GPR89B: variants seen among roughly 807,000 people sequenced by gnomAD.
The protein encoded by GPR89B is G protein-coupled receptor 89B.
In GPR89B, 25 loss-of-function variants were observed where a neutral mutation model predicts 52.4. That is an observed-to-expected ratio of 0.48 (90% CI 0.35 to 0.67). GPR89B has a LOEUF of 0.67. Ranked by LOEUF, GPR89B falls within the 30% of genes least tolerant of loss-of-function variation. The pLI, the probability that GPR89B is intolerant of heterozygous loss-of-function variation, is 0.01. For missense variants in GPR89B, 146 were observed against 450.2 expected, an observed-to-expected ratio of 0.32 and a Z score of 6.11; for synonymous variants, 52 against 151.2, an observed-to-expected ratio of 0.34 and a Z score of 4.81.
intron 10 of GPR89B, among the ~76,000 whole-genome samples, chr1:147,981,363 A>G (rs1211689759): frequency 2.0e-5 from 3 of 150,330 alleles, no homozygotes; most frequent in Non-Finnish European, 2.9e-5. Context: ...TTAATAGGGC[A>G]TGGAAGTACA....
intron 7 of GPR89B, among the ~76,000 whole-genome samples, chr1:147,961,217 A>G (rs1656527295): frequency 6.6e-6 from 1 of 152,116 alleles, no homozygotes; most frequent in African/African-American, 2.4e-5. Context: ...TTTTTTAAAA[A>G]AAGATTGAAG....
chr1:147,929,558 T>G (rs1653356370), intron 1 of GPR89B, among the ~76,000 whole-genome samples: 2 of 152,148 alleles, frequency 1.3e-5, no homozygotes, highest in Non-Finnish European at 2.9e-5. Context: ...GTGTGTGTGT[T>G]TGTTTTTGCT....
At chr1:147,981,927 T>C (rs1372349047) in intron 10 of GPR89B, among the ~76,000 whole-genome samples, 1 of 151,650 alleles carries the variant, frequency 6.6e-6, no homozygotes, top group Admixed American at 6.6e-5. Flanking sequence ...GCTGGGATTA[T>C]ATCCGTGAGC....
At chr1:147,975,514 C>G (rs1657770611) in intron 10 of GPR89B, among the ~76,000 whole-genome samples, 1 of 151,586 alleles carries the variant, frequency 6.6e-6, no homozygotes, top group Admixed American at 6.6e-5. Context: ...TGGTGATGTC[C>G]CCTTTATCAT....
chr1:148,012,865 G>T, the GPR89B span, among the ~76,000 whole-genome samples: 2 of 151,932 alleles, frequency 1.3e-5, no homozygotes, highest in Non-Finnish European at 2.9e-5. Context: ...AGAGCCTCTG[G>T]CCTACATCTG....
chr1:147,997,757 A>G (rs1429036117), downstream of GPR89B, among the ~76,000 whole-genome samples: 6 of 152,208 alleles, frequency 3.9e-5, no homozygotes, highest in Non-Finnish European at 8.8e-5. Flanking sequence ...CAAAGATTCA[A>G]AGCTACTAGA....
At chr1:147,951,693 A>G (rs1281717543) in intron 5 of GPR89B, among the ~76,000 whole-genome samples, 2 of 152,064 alleles carry the variant, frequency 1.3e-5, no homozygotes, top group African/African-American at 4.8e-5. Context: ...GGTGACTTCT[A>G]GTTCCAAGAT....
intron 2 of GPR89B, among the ~76,000 whole-genome samples, chr1:147,937,621 G>T (rs1419328886): frequency 6.6e-6 from 1 of 152,130 alleles, no homozygotes; most frequent in African/African-American, 2.4e-5. Flanking sequence ...GCTGGAAAAA[G>T]AATTCAGCAG....
chr1:148,009,633 G>T, the GPR89B span: 1 of 1,016,992 alleles, frequency 9.8e-7, no homozygotes, highest in Non-Finnish European at 1.4e-6. Flanking sequence ...ATAACCCTCT[G>T]CCAACTGCCA....
At chr1:147,933,791 A>C (rs1276458061) in intron 1 of GPR89B, among the ~76,000 whole-genome samples, 1 of 152,050 alleles carries the variant, frequency 6.6e-6, no homozygotes, top group Non-Finnish European at 1.5e-5. Context: ...TTCCCATAAC[A>C]CATTTCTATA....
chr1:147,946,748 A>G (rs1335324024), intron 5 of GPR89B, among the ~76,000 whole-genome samples: 2 of 152,106 alleles, frequency 1.3e-5, no homozygotes, highest in Admixed American at 6.5e-5. Flanking sequence ...CATTGTATCT[A>G]TTGTCCTTTC....
At chr1:147,949,467 C>G (rs1553250438) in intron 5 of GPR89B, among the ~76,000 whole-genome samples, 2 of 93,740 alleles carry the variant, frequency 2.1e-5, no homozygotes, top group Non-Finnish European at 4.2e-5. Flanking sequence ...CACCTCCCTC[C>G]CGGACGGGGC....
chr1:148,016,295 T>G, the GPR89B span, among the ~76,000 whole-genome samples: 4 of 65,610 alleles, frequency 6.1e-5, no homozygotes, highest in Non-Finnish European at 1.2e-4. Context: ...CTTCCAGTTT[T>G]GGGAATTTAT....
chr1:148,017,607 G>A, the GPR89B span, among the ~76,000 whole-genome samples: 1 of 149,620 alleles, frequency 6.7e-6, no homozygotes, highest in Middle Eastern at 3.4e-3. Flanking sequence ...GCGTGGTGGC[G>A]GGCACCTGTA....
intron 1 of GPR89B, among the ~76,000 whole-genome samples, chr1:147,936,171 C>T (rs1289950249): frequency 6.6e-6 from 1 of 152,066 alleles, no homozygotes; most frequent in Non-Finnish European, 1.5e-5. Context: ...GTGCCCACAC[C>T]CAGCTAATTT....
chr1:147,952,138 A>G (rs1553251168), intron 5 of GPR89B, among the ~76,000 whole-genome samples: 1 of 152,118 alleles, frequency 6.6e-6, no homozygotes, highest in African/African-American at 2.4e-5. Flanking sequence ...ATGGAGAGAG[A>G]TGGCTGACCA....
chr1:147,972,155 T>A (rs1293969681), intron 10 of GPR89B, among the ~76,000 whole-genome samples: 1 of 148,728 alleles, frequency 6.7e-6, no homozygotes, highest in Admixed American at 6.7e-5. Flanking sequence ...GTATCAGTAG[T>A]TTATTCTTTT....
At chr1:147,962,500 C>G (rs1656660951) in intron 7 of GPR89B, among the ~76,000 whole-genome samples, 3 of 150,700 alleles carry the variant, frequency 2.0e-5, no homozygotes, top group Admixed American at 6.6e-5. Context: ...GATGCAAAAG[C>G]AGTTCAGTGG....
At position 147,933,435 on chromosome 1, in the gene GPR89B, G is replaced by A. The variant is rs587621901; in HGVS notation, c.43-3192G>A. On this transcript the variant is annotated intron_variant, in intron 1 of 13. Transcript: ENST00000314163. ...ATTCCCAGGTGATCTCATGTACTTTGGTGGTTTCAACTCATAGGTATATCT... is the reference window on the plus strand; with the variant it reads ...ATTCCCAGGTGATCTCATGTACTTTAGTGGTTTCAACTCATAGGTATATCT... 2.6e-5 allele frequency among the ~76,000 whole-genome samples: 4 copies of A among 151,562 alleles called. No individual in the cohort carries two copies. The East Asian group carries it at 7.8e-4, about 29-fold the overall frequency.
Sources: gnomAD v4.1 joint callset for allele counts (sites outside exome capture counted in the v4.1 genomes callset) on GRCh38, gnomAD v4.1.1 for gene constraint, MANE v1.5 for transcripts, NCBI Gene and HGNC (gene_info 2026-07-23, HGNC 2026-07-21) for gene names.